The following CMPK2 variants were observed in gnomAD, a reference collection of about 807,000 sequenced individuals.
CMPK2 encodes the protein cytidine/uridine monophosphate kinase 2.
In CMPK2, 32 loss-of-function variants were observed where a neutral mutation model predicts 33.4. That is an observed-to-expected ratio of 0.96 (90% CI 0.72 to 1.29). CMPK2 has a LOEUF of 1.29. Ranked by LOEUF, CMPK2 falls within the 50% of genes most tolerant of loss-of-function variation. The pLI is 0.00. For missense variants in CMPK2, 672 were observed against 616.0 expected (o/e 1.09, Z -0.96); for synonymous variants, 299 against 275.3 (o/e 1.09, Z -0.85).
downstream of CMPK2, among the ~76,000 whole-genome samples, chr2:6,847,321 A>G (rs1237503146): frequency 6.6e-6 from 1 of 152,242 alleles, no homozygotes; most frequent in Non-Finnish European, 1.5e-5. Context: ...ACTGGAGCCC[A>G]CTGTGCCCAC....
intron 2 of CMPK2, 135 bp from the exon 3 acceptor site, chr2:6,861,520 T>G: frequency 1.4e-6 from 1 of 695,454 alleles, no homozygotes; most frequent in Non-Finnish European, 2.4e-6. Flanking sequence ...TATAAAAAGC[T>G]GTAGACCCAT....
At chr2:6,857,818 G>A (rs1662759530) in intron 3 of CMPK2, among the ~76,000 whole-genome samples, 1 of 151,256 alleles carries the variant, frequency 6.6e-6, no homozygotes, top group Non-Finnish European at 1.5e-5. Context: ...TGTATTTTTA[G>A]TAGAGACGGG....
At position 6,851,456 on chromosome 2, in the gene CMPK2, C is replaced by G. The variant is rs530471146; in HGVS notation, c.1220G>C (p.Arg407Pro). 6 of 1,614,218 alleles carry G rather than the reference C, an allele frequency of 3.7e-6. No individual in the cohort carries two copies. Among genetic ancestry groups the G allele is most frequent in the Middle Eastern group, 1.6e-4 (1 of 6,062 alleles). The stretch of plus-strand genomic sequence containing the variant: ...ATTGCACTGGGACACCTACTTTTGA[C>G]GAAACACACTGTTGGCCTCAAGTTC... The part of the protein sequence containing the change: ...EAELEANSVF[R>P]QKVEMSYQRM... Residue 407 changes from arginine (R) to proline (P), a missense_variant, in exon 4 of 5, where the codon CGT becomes CCT. Arg to Pro is a moderately radical substitution (Grantham distance 103, BLOSUM62 -2). Transcript: ENST00000256722.
At chr2:6,857,835 C>T (rs1016334742) in intron 3 of CMPK2, among the ~76,000 whole-genome samples, 4 of 151,516 alleles carry the variant, frequency 2.6e-5, no homozygotes, top group Admixed American at 2.0e-4. Context: ...CGGGGTTTCA[C>T]CGTGTTAGCC....
intron 2 of CMPK2, among the ~76,000 whole-genome samples, chr2:6,862,989 T>G (rs921868605): frequency 6.6e-6 from 1 of 152,280 alleles, no homozygotes; most frequent in Non-Finnish European, 1.5e-5. Flanking sequence ...AAGGCTTTTT[T>G]TTCTTCCATT....
At chr2:6,844,269 C>T (rs947824700), downstream of CMPK2, among the ~76,000 whole-genome samples, 3 of 152,166 alleles carry the variant, frequency 2.0e-5, no homozygotes, top group Non-Finnish European at 4.4e-5. Context: ...TTGTAAAAGA[C>T]CAAAGTAGCC....
chr2:6,864,912 A>G (rs1235058714), intron 1 of CMPK2, 110 bp downstream of exon 1: 33 of 1,316,720 alleles, frequency 2.5e-5, no homozygotes, highest in Non-Finnish European at 3.1e-5. Flanking sequence ...ACGGAAATAA[A>G]CAAACCACCC....
At chr2:6,844,007 C>G (rs964799037), downstream of CMPK2, among the ~76,000 whole-genome samples, 1 of 152,208 alleles carries the variant, frequency 6.6e-6, no homozygotes, top group Non-Finnish European at 1.5e-5. Context: ...GAGACTGGCT[C>G]TGGACCTAGC....
intron 3 of CMPK2, chr2:6,840,702 AAATCCTTC>A (rs1308465104): frequency 3.0e-5 from 21 of 701,602 alleles, no homozygotes; most frequent in Non-Finnish European, 4.9e-5. Flanking sequence ...AAGAGAGGAA[AAATCCTTC>A]ACCAGTACCA....
At chr2:6,841,836 C>T (rs1662241371) in intron 3 of CMPK2, among the ~76,000 whole-genome samples, 1 of 152,146 alleles carries the variant, frequency 6.6e-6, no homozygotes, top group Admixed American at 6.5e-5. Context: ...AGAAGGAAAA[C>T]TGAGGACAAC....
At chr2:6,858,906 TAGA>T (rs1438184878) in intron 3 of CMPK2, among the ~76,000 whole-genome samples, 2 of 152,162 alleles carry the variant, frequency 1.3e-5, no homozygotes, top group Admixed American at 6.5e-5. Context: ...CTGGAGGGCT[TAGA>T]AGAAGACAGG....
intron 2 of CMPK2, 144 bp from the exon 3 acceptor site, chr2:6,861,529 A>C: frequency 1.5e-6 from 1 of 674,018 alleles, no homozygotes; most frequent in Non-Finnish European, 2.5e-6. Flanking sequence ...CTGTAGACCC[A>C]TAGGAAGTTA....
rs1427972886 is a variant in CMPK2, at chr2:6,861,398, C to T, written c.791-13G>A. On this transcript the variant is annotated splice_polypyrimidine_tract_variant and intron_variant, in intron 2 of 4. Coordinates refer to ENST00000256722, the MANE Select transcript of CMPK2 (RefSeq NM_207315.4). ...ACCGTGGTTTTACCTGCAGGTCATACACAAAATATATACATCTTAACCACA... is the reference window on the plus strand; with the variant it reads ...ACCGTGGTTTTACCTGCAGGTCATATACAAAATATATACATCTTAACCACA... 6.2e-7 allele frequency: 1 copy of T among 1,607,828 alleles called. No homozygotes were observed. The highest frequency in any genetic ancestry group is 2.2e-5 in the East Asian group (1 of 44,826).
At position 6,848,799 on chromosome 2, in the gene CMPK2, T is replaced by C. The variant is rs1355183436; in HGVS notation, c.*1051A>G. ...AATTTCCCCCTCACTCAGCTACTTT[T>C]TTCTGTCTAAAGATATGTCAAAGCG... On this transcript the variant is annotated 3_prime_UTR_variant, in exon 5 of 5. Transcript: ENST00000256722. 1.0e-6 allele frequency: 1 copy of C among 985,742 alleles called. No individual in the cohort carries two copies. The highest frequency in any genetic ancestry group is 1.2e-6 in the Non-Finnish European group (1 of 829,910). 61.1% of individuals were successfully genotyped at this position (985,742 alleles called of 1,614,324 possible).
intron 3 of CMPK2, among the ~76,000 whole-genome samples, chr2:6,855,748 T>C (rs1662665980): frequency 1.3e-5 from 2 of 152,232 alleles, no homozygotes; most frequent in South Asian, 2.1e-4. Flanking sequence ...CAGCCTAGAC[T>C]GCAGCCACAG....
chr2:6,853,032 C>A (rs1398577766), intron 3 of CMPK2, among the ~76,000 whole-genome samples: 1 of 152,184 alleles, frequency 6.6e-6, no homozygotes, highest in Non-Finnish European at 1.5e-5. Context: ...TCACTGCAAC[C>A]TTTGCTTCCC....
At position 6,851,599 on chromosome 2, in the gene CMPK2, C is replaced by T. The variant is rs1408411198; in HGVS notation, c.1077G>A (p.Val359=). 3 of 1,614,198 alleles carry T rather than the reference C, an allele frequency of 1.9e-6. No homozygotes were observed. Among genetic ancestry groups the T allele is most frequent in the East Asian group, 2.2e-5 (1 of 44,880 alleles). ...TGAGCAGGTCCTCTGGCCACTGGTA[C>T]ACAGGGTGATGGGCTGGGGGCAGGT... is the stretch of plus-strand genomic sequence containing the variant. ...LQHLPPAHHP[V]YQWPEDLLKP... is the part of the protein sequence containing the mutation. The change falls in exon 4 of 5, where the codon GTG becomes GTA. Residue 359 remains valine, a synonymous_variant. Transcript: ENST00000256722.
chr2:6,846,420 C>A (rs1249477982), downstream of CMPK2, among the ~76,000 whole-genome samples: 3 of 73,136 alleles, frequency 4.1e-5, no homozygotes, highest in Non-Finnish European at 1.0e-4. Flanking sequence ...AGACTGAAGT[C>A]TTGAATTCCC....
At chr2:6,842,203 C>T (rs1302037604) in intron 3 of CMPK2, among the ~76,000 whole-genome samples, 1 of 152,144 alleles carries the variant, frequency 6.6e-6, no homozygotes, top group African/African-American at 2.4e-5. Flanking sequence ...AGGTTTGCAT[C>T]ACTATTTTTT....
Sources: allele counts gnomAD v4.1 joint callset (sites outside exome capture counted in the v4.1 genomes callset), GRCh38; gene constraint gnomAD v4.1.1; transcripts MANE v1.5; gene names NCBI Gene and HGNC (gene_info 2026-07-23, HGNC 2026-07-21).